NPFFR2: variants seen among roughly 807,000 people sequenced by gnomAD.
NPFFR2 encodes the protein neuropeptide FF receptor 2.
In NPFFR2, 15 loss-of-function variants were observed where a neutral mutation model predicts 13.1. The ratio of observed to expected loss-of-function variants is 1.15; its 90% CI spans 0.77 to 1.76. The LOEUF (loss-of-function observed/expected upper bound fraction) is 1.76. NPFFR2 is among the 40% of genes most tolerant of loss of function. The probability of loss-of-function intolerance (pLI) is 0.00; values close to 1 mark genes in which losing one functional copy is unlikely to be tolerated. For synonymous variants in NPFFR2, 190 were observed against 175.7 expected, an observed-to-expected ratio of 1.08 and a Z score of -0.65; for missense variants, 572 against 503.5, an observed-to-expected ratio of 1.14 and a Z score of -1.30.
At chr4:72,127,402 C>T (rs1277440227) in intron 1 of NPFFR2, among the ~76,000 whole-genome samples, 2 of 76,364 alleles carry the variant, frequency 2.6e-5, no homozygotes, top group African/African-American at 1.1e-4. Flanking sequence ...CTCGCTCTGT[C>T]GCCCAGGCTG....
At chr4:72,047,716 A>G (rs911493203) in intron 1 of NPFFR2, among the ~76,000 whole-genome samples, 3 of 152,178 alleles carry the variant, frequency 2.0e-5, no homozygotes, top group African/African-American at 7.2e-5. Context: ...TAAATGAGTA[A>G]TGAATGAATA....
chr4:72,116,977 A>G (rs1721731159), intron 1 of NPFFR2, among the ~76,000 whole-genome samples: 1 of 152,052 alleles, frequency 6.6e-6, no homozygotes, highest in Admixed American at 6.6e-5. Flanking sequence ...ACCAGAGGCC[A>G]GCTGTTCCAG....
At chr4:72,127,201 G>A (rs1179918068) in intron 1 of NPFFR2, among the ~76,000 whole-genome samples, 1 of 148,048 alleles carries the variant, frequency 6.8e-6, no homozygotes, top group Admixed American at 6.7e-5. Context: ...CTACTCGGGA[G>A]GGTGAGGCGG....
chr4:72,101,456 T>C (rs1477516268), intron 1 of NPFFR2, among the ~76,000 whole-genome samples: 2 of 151,288 alleles, frequency 1.3e-5, no homozygotes, highest in Non-Finnish European at 1.5e-5. Context: ...GGTACATTAA[T>C]AAAATATTTA....
At chr4:72,125,732 G>T (rs1032366791) in intron 1 of NPFFR2, among the ~76,000 whole-genome samples, 6 of 152,188 alleles carry the variant, frequency 3.9e-5, no homozygotes, top group Non-Finnish European at 7.3e-5. Context: ...ACCTGGAAGA[G>T]CTCTAATACT....
intron 1 of NPFFR2, chr4:72,068,908 TC>T: frequency 1.0e-6 from 1 of 991,440 alleles, no homozygotes; most frequent in South Asian, 1.8e-5. Flanking sequence ...TTTCTTTATT[TC>T]CAGGTCTCCT....
At chr4:72,118,254 T>A (rs1721768120) in intron 1 of NPFFR2, among the ~76,000 whole-genome samples, 1 of 152,212 alleles carries the variant, frequency 6.6e-6, no homozygotes, top group Non-Finnish European at 1.5e-5. Flanking sequence ...TGCTTCAGTT[T>A]CCTATTTGAC....
intron 1 of NPFFR2, among the ~76,000 whole-genome samples, chr4:72,055,786 T>A (rs955255302): frequency 6.6e-6 from 1 of 151,938 alleles, no homozygotes; most frequent in Non-Finnish European, 1.5e-5. Context: ...GCTTTATGGC[T>A]GATATGGAGA....
intron 1 of NPFFR2, chr4:72,039,036 C>G (rs1200653283): frequency 7.8e-6 from 1 of 128,818 alleles, no homozygotes; most frequent in Non-Finnish European, 1.7e-5. Context: ...TCCCGAGTAG[C>G]TGGGACTGGC....
Position 72,147,956 on chromosome 4 carries a change from A to G in NPFFR2, c.*144A>G. ...GCCCTCTCTGGCAAAAAAATTAAAA[A>G]TAAACAAAAATGGTCATAAGATCAT... On this transcript the variant is annotated 3_prime_UTR_variant, in exon 4 of 4. Coordinates refer to ENST00000308744, the MANE Select transcript of NPFFR2 (RefSeq NM_004885.3). The G allele has an allele frequency of 1.7e-6, 1 of 595,000 alleles. No homozygotes were observed. Among genetic ancestry groups the G allele is most frequent in the Non-Finnish European group, 2.8e-6 (1 of 358,188 alleles). The allele number at this position is 595,000 out of a possible 1,614,324, so 36.9% of individuals were successfully genotyped here.
intron 1 of NPFFR2, 36 bp from the exon 2 acceptor site, chr4:72,128,549 A>T: frequency 7.6e-7 from 1 of 1,316,116 alleles, no homozygotes; most frequent in Non-Finnish European, 1.1e-6. Flanking sequence ...ACTGGTTCCT[A>T]ATTATGTTTT....
intron 2 of NPFFR2, among the ~76,000 whole-genome samples, chr4:72,136,964 G>A (rs1422181146): frequency 6.6e-6 from 1 of 152,172 alleles, no homozygotes; most frequent in Non-Finnish European, 1.5e-5. Context: ...AATTGTGTGA[G>A]GGAGATAAGG....
chr4:72,065,496 T>G (rs1720040299), intron 1 of NPFFR2, among the ~76,000 whole-genome samples: 1 of 152,178 alleles, frequency 6.6e-6, no homozygotes, highest in Admixed American at 6.5e-5. Flanking sequence ...ATTAATGTTT[T>G]AAAAGAAACT....
chr4:72,062,786 G>A (rs1719957909), intron 1 of NPFFR2, among the ~76,000 whole-genome samples: 1 of 152,168 alleles, frequency 6.6e-6, no homozygotes, highest in Non-Finnish European at 1.5e-5. Flanking sequence ...ACCATATGGA[G>A]CAGAGCTGAT....
intron 1 of NPFFR2, 136 bp downstream of exon 1, chr4:72,032,336 T>A: frequency 3.1e-6 from 3 of 979,880 alleles, no homozygotes; most frequent in Non-Finnish European, 4.5e-6. Flanking sequence ...CCTTCCTAAT[T>A]ACACAGGCAC....
intron 1 of NPFFR2, among the ~76,000 whole-genome samples, chr4:72,098,614 C>T (rs1192366500): frequency 2.0e-5 from 3 of 152,154 alleles, no homozygotes; most frequent in Non-Finnish European, 4.4e-5. Context: ...AATGAGTAAA[C>T]CCTCAAATCT....
intron 1 of NPFFR2, among the ~76,000 whole-genome samples, chr4:72,118,975 A>G (rs1721790411): frequency 6.6e-6 from 1 of 152,216 alleles, no homozygotes; most frequent in Admixed American, 6.5e-5. Context: ...AGAGAATATA[A>G]TAGTGGAACA....
At chr4:72,078,841 C>T (rs541102325) in intron 1 of NPFFR2, among the ~76,000 whole-genome samples, 7 of 151,926 alleles carry the variant, frequency 4.6e-5, no homozygotes, top group Non-Finnish European at 5.9e-5. Flanking sequence ...CCCAAATTTT[C>T]CATAATATAT....
intron 1 of NPFFR2, among the ~76,000 whole-genome samples, chr4:72,063,398 T>G (rs1719976116): frequency 6.6e-6 from 1 of 152,226 alleles, no homozygotes; most frequent in Admixed American, 6.5e-5. Context: ...GTAATTTGAA[T>G]AAATAAATGG....
Sources: gnomAD v4.1 joint callset for allele counts (sites outside exome capture counted in the v4.1 genomes callset) on GRCh38, gnomAD v4.1.1 for gene constraint, MANE v1.5 for transcripts, NCBI Gene and HGNC (gene_info 2026-07-23, HGNC 2026-07-21) for gene names.